Variants in GPR160 observed in about 807,000 individuals in gnomAD.
The protein encoded by GPR160 is G protein-coupled receptor 160, also known as probable G protein-coupled receptor 160.
Under a neutral mutation model 2.6 loss-of-function variants are expected in GPR160, and 2 were observed. The ratio of observed to expected loss-of-function variants is 0.77; its 90% CI spans 0.32 to 2.44. GPR160 has a LOEUF of 2.44. GPR160 is among the 30% of genes most tolerant of loss of function. The pLI, the probability that GPR160 is intolerant of heterozygous loss-of-function variation, is 0.11. For missense variants in GPR160, 351 were observed against 383.6 expected, an observed-to-expected ratio of 0.91 and a Z score of 0.71; for synonymous variants, 130 against 132.2, an observed-to-expected ratio of 0.98 and a Z score of 0.12.
In GPR160 at chr3:170,066,130, C is replaced by CTTTTTTTTTT. The variant is rs768660597; in HGVS notation, c.-192-13625_-192-13616dup. ...ACTTGACACTATTCTTTTTCTTTTT[C>CTTTTTTTTTT]TTTTTTTTTTTTTTTTTTTTTTTTT... is the stretch of plus-strand genomic sequence containing the variant. On this transcript the variant is annotated intron_variant, in intron 2 of 3. Coordinates refer to ENST00000355897, the MANE Select transcript of GPR160 (RefSeq NM_014373.3). 3.4e-4 allele frequency among the ~76,000 whole-genome samples: 29 copies of CTTTTTTTTTT among 85,212 alleles called. 1 individual carries two copies. Among genetic ancestry groups the CTTTTTTTTTT allele is most frequent in the East Asian group, 6.7e-4 (2 of 2,988 alleles). The allele number at this position is 85,212 out of a possible 152,430, so 55.9% of individuals were successfully genotyped here.
intron 2 of GPR160, among the ~76,000 whole-genome samples, chr3:170,042,217 T>C (rs907184994): frequency 6.6e-5 from 10 of 152,008 alleles, no homozygotes; most frequent in African/African-American, 2.2e-4. Flanking sequence ...GAAATCAGCC[T>C]GGGCAACATA....
chr3:170,041,241 G>A (rs1716432941), intron 2 of GPR160, among the ~76,000 whole-genome samples: 1 of 151,846 alleles, frequency 6.6e-6, no homozygotes, highest in South Asian at 2.1e-4. Flanking sequence ...AGTGTTCGGT[G>A]AATCTCCCCG....
intron 2 of GPR160, among the ~76,000 whole-genome samples, chr3:170,041,920 C>G (rs1408024795): frequency 2.0e-5 from 3 of 152,140 alleles, no homozygotes; most frequent in Non-Finnish European, 4.4e-5. Context: ...TAGATTTGGA[C>G]TCTGGAGAGT....
chr3:170,045,172 T>G (rs993828826), intron 2 of GPR160, among the ~76,000 whole-genome samples: 1 of 151,824 alleles, frequency 6.6e-6, no homozygotes, highest in African/African-American at 2.4e-5. Flanking sequence ...TCAGGTGCTG[T>G]TGTGGGCCTT....
rs562057054 is a variant in GPR160, at chr3:170,067,140, G to A, written c.-192-12634G>A. On this transcript the variant is annotated intron_variant, in intron 2 of 3. Coordinates refer to ENST00000355897, the MANE Select transcript of GPR160 (RefSeq NM_014373.3). ...CCGCCTCAACCTCCCAAGTAGCTGG[G>A]ACTACAGGCATAGGCCACCATGCCC... Among the ~76,000 whole-genome samples the A allele has an allele frequency of 8.2e-4, 125 of 152,298 alleles. 1 individual carries two copies. Among genetic ancestry groups the A allele is most frequent in the African/African-American group, 2.8e-3 (117 of 41,562 alleles).
At chr3:170,050,062 C>CT (rs35059153) in intron 2 of GPR160, among the ~76,000 whole-genome samples, 11,826 of 144,444 alleles carry the variant, frequency 0.082, 473 homozygotes, top group African/African-American at 0.11. Context: ...CAGACAATTC[C>CT]TTTTTTTTTT....
At chr3:170,056,633 G>C (rs756419213) in intron 2 of GPR160, among the ~76,000 whole-genome samples, 1 of 152,154 alleles carries the variant, frequency 6.6e-6, no homozygotes. Flanking sequence ...ATCCATAACT[G>C]GTGGCATATT....
intron 2 of GPR160, among the ~76,000 whole-genome samples, chr3:170,066,158 T>TG (rs2108333596): frequency 9.1e-6 from 1 of 110,262 alleles, no homozygotes; most frequent in Middle Eastern, 5.2e-3. Flanking sequence ...TTTTTTTTTT[T>TG]GTGACAGAGC....
chr3:170,057,483 T>C (rs931589947), intron 2 of GPR160: 3 of 152,222 alleles, frequency 2.0e-5, no homozygotes, highest in African/African-American at 7.2e-5. Flanking sequence ...GATGTAAAAG[T>C]ATCCACATGA....
At chr3:170,063,801 C>G (rs116153658) in intron 2 of GPR160, among the ~76,000 whole-genome samples, 1 of 152,140 alleles carries the variant, frequency 6.6e-6, no homozygotes, top group African/African-American at 2.4e-5. Flanking sequence ...GTAAGCTTGT[C>G]TTCCCCGTGC....
chr3:170,078,891 C>T (rs958268229), intron 2 of GPR160, among the ~76,000 whole-genome samples: 6 of 151,840 alleles, frequency 4.0e-5, no homozygotes, highest in Non-Finnish European at 7.4e-5. Context: ...TTCTGGAAGG[C>T]CGGAAGGCTC....
At chr3:170,050,997 G>A (rs975773307) in intron 2 of GPR160, among the ~76,000 whole-genome samples, 3 of 152,148 alleles carry the variant, frequency 2.0e-5, no homozygotes, top group African/African-American at 7.2e-5. Context: ...TAATTGCGGA[G>A]TCATGTGGTA....
chr3:170,069,982 G>C (rs1299168846), intron 2 of GPR160, among the ~76,000 whole-genome samples: 1 of 152,012 alleles, frequency 6.6e-6, no homozygotes. Flanking sequence ...CTGTGTACCA[G>C]CATCCCTAGT....
intron 2 of GPR160, among the ~76,000 whole-genome samples, chr3:170,075,759 T>G (rs1041381806): frequency 1.5e-4 from 23 of 152,248 alleles, no homozygotes; most frequent in African/African-American, 5.5e-4. Flanking sequence ...AGCAGGCATG[T>G]GGGTGAGCAC....
intron 2 of GPR160, among the ~76,000 whole-genome samples, chr3:170,076,089 T>C (rs185234612): frequency 1.3e-5 from 2 of 152,326 alleles, no homozygotes; most frequent in East Asian, 3.9e-4. Flanking sequence ...TGGAAATATA[T>C]ACAAATAACT....
chr3:170,051,933 G>T (rs1439035793), intron 2 of GPR160, among the ~76,000 whole-genome samples: 6 of 151,986 alleles, frequency 3.9e-5, no homozygotes, highest in Non-Finnish European at 7.4e-5. Flanking sequence ...GACATGTTTT[G>T]TTATGTTTTT....
chr3:170,069,515 A>G (rs1712491200), intron 2 of GPR160, among the ~76,000 whole-genome samples: 1 of 152,184 alleles, frequency 6.6e-6, no homozygotes, highest in Non-Finnish European at 1.5e-5. Context: ...CTTTGTGTAG[A>G]TGGGGCTCAC....
intron 2 of GPR160, among the ~76,000 whole-genome samples, chr3:170,076,943 G>C (rs930796306): frequency 6.6e-6 from 1 of 152,244 alleles, no homozygotes; most frequent in Non-Finnish European, 1.5e-5. Context: ...GAGCTTTGAA[G>C]TCAGACTTGA....
chr3:170,067,175 T>G (rs1156638592), intron 2 of GPR160, among the ~76,000 whole-genome samples: 5 of 152,144 alleles, frequency 3.3e-5, no homozygotes, highest in Admixed American at 6.5e-5. Flanking sequence ...CAGCTAAGTT[T>G]TGTGTTTTTA....
Sources: gnomAD v4.1 joint callset for allele counts (sites outside exome capture counted in the v4.1 genomes callset) on GRCh38, gnomAD v4.1.1 for gene constraint, MANE v1.5 for transcripts, NCBI Gene and HGNC (gene_info 2026-07-23, HGNC 2026-07-21) for gene names.